The following CACNB4 variants were observed in gnomAD, a reference collection of about 807,000 sequenced individuals.
CACNB4 encodes calcium voltage-gated channel auxiliary subunit beta 4.
CACNB4 carries 32 observed loss-of-function variants against 71.2 expected under a neutral mutation model. The ratio of observed to expected loss-of-function variants is 0.45; its 90% CI spans 0.34 to 0.60. The LOEUF is 0.60. Ranked by LOEUF, CACNB4 falls within the 20% of genes least tolerant of loss-of-function variation. The pLI, the probability that CACNB4 is intolerant of heterozygous loss-of-function variation, is 0.01. For synonymous variants in CACNB4, 231 were observed against 236.9 expected (o/e 0.97, Z 0.23); for missense variants, 464 against 647.9 (o/e 0.72, Z 3.08).
At chr2:151,856,980 TG>T (rs781756654) in intron 10 of CACNB4, 1 of 152,226 alleles carries the variant, frequency 6.6e-6, no homozygotes, top group Non-Finnish European at 1.5e-5. Flanking sequence ...CCTGAAGTGT[TG>T]GCATCACAGG....
At chr2:151,855,967 C>T (rs1184563241) in intron 10 of CACNB4, among the ~76,000 whole-genome samples, 2 of 151,298 alleles carry the variant, frequency 1.3e-5, no homozygotes, top group African/African-American at 4.9e-5. Flanking sequence ...AGCCAATGTA[C>T]TTGTTCTAAG....
At chr2:151,867,407 C>T (rs2099843439) in intron 9 of CACNB4, 1 of 152,132 alleles carries the variant, frequency 6.6e-6, no homozygotes, top group South Asian at 2.1e-4. Context: ...AGTGTAATCC[C>T]AATAACCAAA....
chr2:151,904,538 C>CTT (rs11347936), intron 2 of CACNB4, among the ~76,000 whole-genome samples: 1 of 127,584 alleles, frequency 7.8e-6, no homozygotes, highest in East Asian at 2.1e-4. Context: ...AGAGATAACT[C>CTT]TTTTTTTTTT....
intron 5 of CACNB4, 161 bp from the exon 6 acceptor site, chr2:151,872,654 A>T (rs1466308065): frequency 1.9e-6 from 1 of 516,264 alleles, no homozygotes; most frequent in Admixed American, 3.9e-5. Flanking sequence ...GTTTTCTTTG[A>T]CCTCATTTCT....
chr2:151,976,183 A>G (rs2099873759), intron 2 of CACNB4, among the ~76,000 whole-genome samples: 1 of 152,246 alleles, frequency 6.6e-6, no homozygotes, highest in Non-Finnish European at 1.5e-5. Flanking sequence ...AACTAAGAAT[A>G]GATGTGAAGG....
intron 2 of CACNB4, among the ~76,000 whole-genome samples, chr2:151,888,691 G>C (rs1223585267): frequency 6.6e-6 from 1 of 152,196 alleles, no homozygotes; most frequent in Non-Finnish European, 1.5e-5. Flanking sequence ...TCCATTCACA[G>C]AACGCTGAGC....
At chr2:151,925,141 C>G (rs1324720812) in intron 2 of CACNB4, among the ~76,000 whole-genome samples, 1 of 152,220 alleles carries the variant, frequency 6.6e-6, no homozygotes, top group African/African-American at 2.4e-5. Context: ...AGCCATTAAA[C>G]AGTGGTTAGT....
chr2:151,982,632 CA>C (rs1227164462), intron 2 of CACNB4, among the ~76,000 whole-genome samples: 2,720 of 64,018 alleles, frequency 0.042, 20 homozygotes, highest in Middle Eastern at 0.073. Flanking sequence ...GACTCCGTCT[CA>C]AAAAAAAAAA....
In CACNB4 at chr2:152,021,024, G is replaced by A. The variant is rs565949920; in HGVS notation, c.147+77306C>T. On this transcript the variant is annotated intron_variant, in intron 2 of 13. Coordinates refer to ENST00000539935, the MANE Select transcript of CACNB4 (RefSeq NM_000726.5). ...TCCCAGCACTTTGGGAGGCTGAGGC[G>A]GGTGGATCACGAGGTCAGGAGATTG... Among the ~76,000 whole-genome samples the A allele has an allele frequency of 2.7e-4, 41 of 152,228 alleles. No homozygotes were observed. The South Asian group carries it at 7.9e-3, about 29-fold the overall frequency.
intron 2 of CACNB4, chr2:151,883,578 T>C (rs1242708916): frequency 1.8e-6 from 1 of 569,856 alleles, no homozygotes; most frequent in Non-Finnish European, 3.1e-6. Flanking sequence ...GAAAAATATT[T>C]TGACTAGATT....
chr2:151,975,087 G>A (rs1219461092), intron 2 of CACNB4, among the ~76,000 whole-genome samples: 1 of 152,148 alleles, frequency 6.6e-6, no homozygotes. Context: ...GCCAAAATGA[G>A]GTAAGAAATA....
rs147481239 is a variant in CACNB4 at position 152,042,979 on chromosome 2, C to T, written c.147+55351G>A. On this transcript the variant is annotated intron_variant, in intron 2 of 13. Coordinates refer to ENST00000539935, the MANE Select transcript of CACNB4 (RefSeq NM_000726.5). ...AGCTCATTATATGCTAATTACAATG[C>T]ATTAGCGTGCTAAAAGACACACCCA... Among the ~76,000 whole-genome samples the T allele has an allele frequency of 1.5e-3, 234 of 152,246 alleles. 1 individual carries two copies. Among genetic ancestry groups the T allele is most frequent in the African/African-American group, 5.4e-3 (224 of 41,556 alleles).
intron 12 of CACNB4, among the ~76,000 whole-genome samples, chr2:151,847,836 C>T (rs907973273): frequency 3.3e-5 from 5 of 152,010 alleles, no homozygotes; most frequent in Non-Finnish European, 5.9e-5. Flanking sequence ...CAGTGAGCTC[C>T]GATCGCGCCA....
intron 11 of CACNB4, chr2:151,854,979 T>C (rs1459076409): frequency 3.0e-6 from 1 of 333,406 alleles, no homozygotes; most frequent in African/African-American, 2.1e-5. Context: ...TAATGTTTTG[T>C]TTCTATTATA....
intron 2 of CACNB4, among the ~76,000 whole-genome samples, chr2:152,075,546 C>G (rs1159981083): frequency 6.6e-6 from 1 of 152,144 alleles, no homozygotes; most frequent in Non-Finnish European, 1.5e-5. Flanking sequence ...CAGGTGGAGA[C>G]CAGCCAACCT....
At chr2:152,063,279 GTAAAT>G (rs1686119646) in intron 2 of CACNB4, among the ~76,000 whole-genome samples, 1 of 152,122 alleles carries the variant, frequency 6.6e-6, no homozygotes, top group Non-Finnish European at 1.5e-5. Flanking sequence ...ATAGGAATTG[GTAAAT>G]TAAAGATAAC....
At chr2:151,982,702 T>C (rs569692454) in intron 2 of CACNB4, among the ~76,000 whole-genome samples, 2 of 151,676 alleles carry the variant, frequency 1.3e-5, no homozygotes, top group African/African-American at 4.8e-5. Context: ...ATGAAACAAC[T>C]TCCAGCATAC....
chr2:152,042,136 G>A (rs1416668303), intron 2 of CACNB4, among the ~76,000 whole-genome samples: 4 of 152,210 alleles, frequency 2.6e-5, no homozygotes, highest in Non-Finnish European at 5.9e-5. Context: ...AAATGACTCT[G>A]TAAGGGACTA....
At position 151,888,514 on chromosome 2, in the gene CACNB4, C is replaced by A. The variant is rs146769325; in HGVS notation, c.148-5144G>T. Among the ~76,000 whole-genome samples the A allele has an allele frequency of 5.0e-3, 758 of 152,196 alleles. 10 individuals are homozygous for A. Among genetic ancestry groups the A allele is most frequent in the African/African-American group, 0.016 (684 of 41,506 alleles). On this transcript the variant is annotated intron_variant, in intron 2 of 13. Transcript: ENST00000539935. ...CCGGGAGGTGGAGGCTCCAGTGAGC[C>A]ATGATGATGCCACAGCACTCTGCCT...
Sources: gnomAD v4.1 joint callset for allele counts (sites outside exome capture counted in the v4.1 genomes callset) on GRCh38, gnomAD v4.1.1 for gene constraint, MANE v1.5 for transcripts, NCBI Gene and HGNC (gene_info 2026-07-23, HGNC 2026-07-21) for gene names.